Variants in TTC36 observed in about 807,000 individuals in gnomAD.
TTC36 encodes tetratricopeptide repeat protein 36.
Under a neutral mutation model 17.5 loss-of-function variants are expected in TTC36, and 15 were observed. That is an observed-to-expected ratio of 0.86 (90% confidence interval 0.57 to 1.32). The LOEUF is 1.32. TTC36 is among the 40% of genes most tolerant of loss of function. TTC36 has a pLI of 0.00. For missense variants in TTC36, 292 were observed against 260.9 expected (o/e 1.12, Z -0.82); for synonymous variants, 112 against 109.8 (o/e 1.02, Z -0.13).
chr11:118,528,154 C>G, intron 1 of TTC36: 1 of 354,902 alleles, frequency 2.8e-6, no homozygotes. Context: ...TAACTCAGGC[C>G]GAAACACAGA....
chr11:118,530,355 A>G lies in TTC36; in HGVS notation c.308-299A>G. 1 of 359,428 alleles carries G rather than the reference A, an allele frequency of 2.8e-6. No homozygotes were observed. 22.3% of individuals were successfully genotyped at this position (359,428 alleles called of 1,614,324 possible). A position where few individuals can be genotyped will look rare whatever the true frequency, so the allele number is the denominator to read the frequency against. On this transcript the variant is annotated intron_variant, in intron 2 of 2. Coordinates refer to ENST00000302783, the MANE Select transcript of TTC36 (RefSeq NM_001080441.4). This position sits in a 1 kb window ranked among gnomAD's most constrained non-coding sequence, Gnocchi z 5.8. The stretch of plus-strand genomic sequence containing the variant: ...CATAGTGGCCATTCAGAATCCTGCA[A>G]CGTTCATGTTTTCGTGTATTAGCGG...
At chr11:118,527,657 G>A in intron 1 of TTC36, 45 bp downstream of exon 1, 1 of 1,434,276 alleles carries the variant, frequency 7.0e-7, no homozygotes, top group Non-Finnish European at 9.8e-7. Flanking sequence ...AGGCTGGCCT[G>A]CTGGCCTCCC....
At position 118,528,866 on chromosome 11, in the gene TTC36, G is replaced by C. The variant is rs879962096; in HGVS notation, c.307+75G>C. 6 of 1,399,328 alleles carry C rather than the reference G, an allele frequency of 4.3e-6. No homozygotes were observed. In the South Asian group the frequency reaches 9.6e-5, roughly 22 times the overall value. 86.7% of individuals were successfully genotyped at this position (1,399,328 alleles called of 1,614,324 possible). Reference sequence around the variant, plus strand: ...CAGACCAGAACTGAAGTGGCTGTGCGGCTGGGGTGGCCTTGCTAAACCCCT... The same window carrying C: ...CAGACCAGAACTGAAGTGGCTGTGCCGCTGGGGTGGCCTTGCTAAACCCCT... On this transcript the variant is annotated intron_variant, in intron 2 of 2. Transcript: ENST00000302783.
At chr11:118,528,821 A>G in intron 2 of TTC36, 30 bp downstream of exon 2, 1 of 1,565,878 alleles carries the variant, frequency 6.4e-7, no homozygotes, top group Non-Finnish European at 8.7e-7. Flanking sequence ...ATCCTCTGCA[A>G]AAGGGCCCAC....
Position 118,530,809 on chromosome 11 carries a change from C to G in TTC36, c.463C>G (p.Pro155Ala). The G allele has an allele frequency of 6.7e-7, 1 of 1,503,736 alleles. No individual in the cohort carries two copies. The allele number at this position is 1,503,736 out of a possible 1,614,324, so 93.1% of individuals were successfully genotyped here. Residue 155 changes from proline to alanine, a missense_variant, in exon 3 of 3, where the codon CCC becomes GCC. Coordinates refer to ENST00000302783, the MANE Select transcript of TTC36 (RefSeq NM_001080441.4). The surrounding 1 kb of genome is among the most constrained non-coding windows in gnomAD (Gnocchi z 5.8). ...CGAGAGGGCGGCACGGCTGGGCAGC[C>G]CCTTCGCGCGGCGCCAGCTGGTGCT... is the stretch of plus-strand genomic sequence containing the variant. Reference protein sequence around the residue: ...DFERAARLGSPFARRQLVLLN... With the variant: ...DFERAARLGSAFARRQLVLLN...
chr11:118,527,988 A>G (rs185053233), intron 1 of TTC36: 1 of 463,032 alleles, frequency 2.2e-6, no homozygotes, highest in Non-Finnish European at 4.3e-6. Flanking sequence ...GAGTGGTTCC[A>G]ATATAGCAAG....
rs1476747878 is a variant in TTC36, at chr11:118,528,705, T to C, written c.221T>C (p.Phe74Ser). Residue 74 changes from phenylalanine to serine, a missense_variant, in exon 2 of 3, where the codon TTT (phenylalanine) becomes TCT (serine). By Grantham distance (155) the Phe-to-Ser change is radical. Transcript: ENST00000302783. Reference sequence around the variant, plus strand: ...GACCTCAGCACAGCCCTGGAGAGGTTTGGCCAAGCCATCTGCCTGCTGCCT... The same window carrying C: ...GACCTCAGCACAGCCCTGGAGAGGTCTGGCCAAGCCATCTGCCTGCTGCCT... ...AGDLSTALER[F>S]GQAICLLPER... 2 of 1,613,574 alleles carry C rather than the reference T, an allele frequency of 1.2e-6. No individual in the cohort carries two copies. The highest frequency in any genetic ancestry group is 1.1e-5 in the South Asian group (1 of 90,908).
At position 118,530,590 on chromosome 11, in the gene TTC36, G is replaced by C. The variant is rs1951196544; in HGVS notation, c.308-64G>C. 1.5e-6 allele frequency: 2 copies of C among 1,357,624 alleles called. No individual in the cohort carries two copies. Among genetic ancestry groups the C allele is most frequent in the Non-Finnish European group, 1.9e-6 (2 of 1,065,712 alleles). 84.1% of individuals were successfully genotyped at this position (1,357,624 alleles called of 1,614,324 possible). On this transcript the variant is annotated intron_variant, in intron 2 of 2. Coordinates refer to ENST00000302783, the MANE Select transcript of TTC36 (RefSeq NM_001080441.4). The surrounding 1 kb of genome is among the most constrained non-coding windows in gnomAD (Gnocchi z 5.8). ...ATCCGCGCGGCCGCAGGTGGGCTGGGGCTCGGGCAAGGCCGCCCTGGCCTC... is the reference window on the plus strand; with the variant it reads ...ATCCGCGCGGCCGCAGGTGGGCTGGCGCTCGGGCAAGGCCGCCCTGGCCTC...
chr11:118,530,609 T>C lies in TTC36; in HGVS notation c.308-45T>C. The C allele has an allele frequency of 2.9e-6, 4 of 1,376,296 alleles. No individual in the cohort carries two copies. Among genetic ancestry groups the C allele is most frequent in the Non-Finnish European group, 3.7e-6 (4 of 1,077,364 alleles). 85.3% of individuals were successfully genotyped at this position (1,376,296 alleles called of 1,614,324 possible). ...GGCTGGGGCTCGGGCAAGGCCGCCC[T>C]GGCCTCCGCTGACCCCCGCCCCGCC... On this transcript the variant is annotated intron_variant, in intron 2 of 2. Transcript: ENST00000302783. The surrounding 1 kb of genome is among the most constrained non-coding windows in gnomAD (Gnocchi z 5.8).
At position 118,528,799 on chromosome 11, in the gene TTC36, G is replaced by A; in HGVS notation, c.307+8G>A. ...TCCAGGGAGACGTGGCAGGTAAGGG[G>A]AGATGCCCTGTATCCTCTGCAAAAG... On this transcript the variant is annotated splice_region_variant and intron_variant, in intron 2 of 2. Coordinates refer to ENST00000302783, the MANE Select transcript of TTC36 (RefSeq NM_001080441.4). 1 of 1,599,330 alleles carries A rather than the reference G, an allele frequency of 6.3e-7. No individual in the cohort carries two copies. The highest frequency in any genetic ancestry group is 1.1e-5 in the South Asian group (1 of 88,584).
rs1329503371 is a variant in TTC36, at chr11:118,528,887, C to T, written c.307+96C>T. On this transcript the variant is annotated intron_variant, in intron 2 of 2. Coordinates refer to ENST00000302783, the MANE Select transcript of TTC36 (RefSeq NM_001080441.4). ...GTGCGGCTGGGGTGGCCTTGCTAAACCCCTGTGGAGCCTGTCTTCTTACCT... is the reference window on the plus strand; with the variant it reads ...GTGCGGCTGGGGTGGCCTTGCTAAATCCCTGTGGAGCCTGTCTTCTTACCT... 35 of 1,163,544 alleles carry T rather than the reference C, an allele frequency of 3.0e-5. No homozygotes were observed. The East Asian group carries it at 9.2e-4, about 30-fold the overall frequency. 72.1% of individuals were successfully genotyped at this position (1,163,544 alleles called of 1,614,324 possible).
At chr11:118,528,038 C>T (rs1951117782) in intron 1 of TTC36, 10 of 456,586 alleles carry the variant, frequency 2.2e-5, no homozygotes, top group Non-Finnish European at 4.4e-5. Flanking sequence ...AAGCCAAGCT[C>T]CAAACTAACT....
Position 118,528,584 on chromosome 11 carries a change from G to A in TTC36, c.119-19G>A, listed in dbSNP as rs1555056391. 6.5e-7 allele frequency: 1 copy of A among 1,539,280 alleles called. No homozygotes were observed. Among genetic ancestry groups the A allele is most frequent in the East Asian group, 2.3e-5 (1 of 43,194 alleles). On this transcript the variant is annotated intron_variant, in intron 1 of 2. Coordinates refer to ENST00000302783, the MANE Select transcript of TTC36 (RefSeq NM_001080441.4). The stretch of plus-strand genomic sequence containing the variant: ...ACCAACTGCACACCTGGCTTCTCCT[G>A]GCTCCTTCCCTGGCCCAGATGAAGT...
Position 118,530,959 on chromosome 11 carries a change from G to A in TTC36, c.*43G>A. On this transcript the variant is annotated 3_prime_UTR_variant, in exon 3 of 3. Coordinates refer to ENST00000302783, the MANE Select transcript of TTC36 (RefSeq NM_001080441.4). The surrounding 1 kb of genome is among the most constrained non-coding windows in gnomAD (Gnocchi z 5.8). ...GTCCGCGGGCGAGGGGACGGGACTG[G>A]GCCCTGAACCAATAAAGCCGTCGGG... 1 of 1,453,910 alleles carries A rather than the reference G, an allele frequency of 6.9e-7. No homozygotes were observed. The highest frequency in any genetic ancestry group is 9.0e-7 in the Non-Finnish European group (1 of 1,115,806). 90.1% of individuals were successfully genotyped at this position (1,453,910 alleles called of 1,614,324 possible). A position where few individuals can be genotyped will look rare whatever the true frequency, so the allele number is the denominator to read the frequency against.
chr11:118,530,793 GGCACGGCTGGGCAGCCCCTTC>G lies in TTC36; in HGVS notation c.450_470del (p.Leu152_Arg158del), dbSNP rs1555057432. ...ACGCCCGCAGGGACTTCGAGAGGGC[GGCACGGCTGGGCAGCCCCTTC>G]GCGCGGCGCCAGCTGGTGCTGCTCA... On this transcript the variant is annotated inframe_deletion, in exon 3 of 3. Transcript: ENST00000302783. The surrounding 1 kb of genome is among the most constrained non-coding windows in gnomAD (Gnocchi z 5.8). 1 of 1,505,324 alleles carries G rather than the reference GGCACGGCTGGGCAGCCCCTTC, an allele frequency of 6.6e-7. No homozygotes were observed. Among genetic ancestry groups the G allele is most frequent in the East Asian group, 2.7e-5 (1 of 36,472 alleles). 93.2% of individuals were successfully genotyped at this position (1,505,324 alleles called of 1,614,324 possible).
Position 118,530,695 on chromosome 11 carries a change from G to T in TTC36, c.349G>T (p.Gly117Cys). The change falls in exon 3 of 3, where the codon GGC (glycine) becomes TGC (cysteine). Residue 117 changes from glycine (G) to cysteine (C), a missense_variant. Coordinates refer to ENST00000302783, the MANE Select transcript of TTC36 (RefSeq NM_001080441.4). The surrounding 1 kb of genome is among the most constrained non-coding windows in gnomAD (Gnocchi z 5.8). ...DLERAVELSG[G>C]RGRAARQSFV... ...GGAACGCGCGGTGGAGCTGAGCGGC[G>T]GCCGGGGCCGCGCCGCCCGCCAGAG... 1 of 1,477,040 alleles carries T rather than the reference G, an allele frequency of 6.8e-7. No homozygotes were observed. Among genetic ancestry groups the T allele is most frequent in the South Asian group, 1.3e-5 (1 of 77,916 alleles). 91.5% of individuals were successfully genotyped at this position (1,477,040 alleles called of 1,614,324 possible). A position where few individuals can be genotyped will look rare whatever the true frequency, so the allele number is the denominator to read the frequency against.
rs1555057275 is a variant in TTC36, at chr11:118,530,646, T to C, written c.308-8T>C. ...ACCCCCGCCCCGCCCGTCTCGTCGGTCCCGCAGGCGCCCTGGAGGATCTGG... is the reference window on the plus strand; with the variant it reads ...ACCCCCGCCCCGCCCGTCTCGTCGGCCCCGCAGGCGCCCTGGAGGATCTGG... On this transcript the variant is annotated splice_polypyrimidine_tract_variant and splice_region_variant and intron_variant, in intron 2 of 2. Coordinates refer to ENST00000302783, the MANE Select transcript of TTC36 (RefSeq NM_001080441.4). The surrounding 1 kb of genome is among the most constrained non-coding windows in gnomAD (Gnocchi z 5.8). The C allele has an allele frequency of 9.0e-6, 13 of 1,440,004 alleles. No homozygotes were observed. The highest frequency in any genetic ancestry group is 1.2e-5 in the Non-Finnish European group (13 of 1,106,378). The allele number at this position is 1,440,004 out of a possible 1,614,324, so 89.2% of individuals were successfully genotyped here.
Position 118,530,820 on chromosome 11 carries a change from G to A in TTC36, c.474G>A (p.Arg158=). The A allele has an allele frequency of 2.0e-6, 3 of 1,504,822 alleles. No individual in the cohort carries two copies. The highest frequency in any genetic ancestry group is 1.2e-5 in the South Asian group (1 of 80,894). The allele number at this position is 1,504,822 out of a possible 1,614,324, so 93.2% of individuals were successfully genotyped here. The change falls in exon 3 of 3, where the codon CGG becomes CGA. Residue 158 remains arginine (R), a synonymous_variant. Coordinates refer to ENST00000302783, the MANE Select transcript of TTC36 (RefSeq NM_001080441.4). This position sits in a 1 kb window ranked among gnomAD's most constrained non-coding sequence, Gnocchi z 5.8. ...CACGGCTGGGCAGCCCCTTCGCGCG[G>A]CGCCAGCTGGTGCTGCTCAACCCCT... ...RAARLGSPFA[R]RQLVLLNPYA...
At chr11:118,529,194 G>T (rs143362264) in intron 2 of TTC36, among the ~76,000 whole-genome samples, 1 of 152,282 alleles carries the variant, frequency 6.6e-6, no homozygotes, top group East Asian at 1.9e-4. Flanking sequence ...TATAGATGAA[G>T]AAACTGAAGC....
Sources: gnomAD v4.1 joint callset for allele counts (sites outside exome capture counted in the v4.1 genomes callset) on GRCh38, gnomAD v4.1.1 for gene constraint, Gnocchi (gnomAD v3.1) non-coding constraint, MANE v1.5 for transcripts, NCBI Gene and HGNC (gene_info 2026-07-23, HGNC 2026-07-21) for gene names.